GPC5: variants seen among roughly 807,000 people sequenced by gnomAD.
The protein encoded by GPC5 is glypican-5.
Under a neutral mutation model 53.9 loss-of-function variants are expected in GPC5, and 47 were observed. The observed-to-expected ratio is 0.87, with a 90% CI of 0.69 to 1.11. The LOEUF (loss-of-function observed/expected upper bound fraction) is 1.11. Ranked by LOEUF, GPC5 falls within the 50% of genes most tolerant of loss-of-function variation. GPC5 has a pLI of 0.00. For synonymous variants in GPC5, 286 were observed against 263.3 expected (o/e 1.09, Z -0.84); for missense variants, 748 against 713.1 (o/e 1.05, Z -0.56).
At chr13:91,824,983 G>A (rs1396912401) in intron 5 of GPC5, among the ~76,000 whole-genome samples, 1 of 152,068 alleles carries the variant, frequency 6.6e-6, no homozygotes, top group Non-Finnish European at 1.5e-5. Context: ...AAATGGTTAT[G>A]CAGAAATGAA....
intron 7 of GPC5, among the ~76,000 whole-genome samples, chr13:92,306,253 G>A (rs1016376216): frequency 6.6e-6 from 1 of 151,630 alleles, no homozygotes; most frequent in African/African-American, 2.4e-5. Context: ...TAAGAAGTTA[G>A]ATTTTTAATC....
chr13:92,733,119 TTTA>T (rs1452159892), intron 7 of GPC5, among the ~76,000 whole-genome samples: 1 of 151,728 alleles, frequency 6.6e-6, no homozygotes, highest in Non-Finnish European at 1.5e-5. Flanking sequence ...CATCATGCAA[TTTA>T]TGGTTTGAAG....
intron 7 of GPC5, among the ~76,000 whole-genome samples, chr13:92,172,721 TA>T (rs2042079288): frequency 6.6e-6 from 1 of 152,038 alleles, no homozygotes; most frequent in Non-Finnish European, 1.5e-5. Flanking sequence ...TTAAAAGAGA[TA>T]CTCTCCTATA....
At chr13:92,843,770 G>A (rs1878510139) in intron 7 of GPC5, among the ~76,000 whole-genome samples, 1 of 152,076 alleles carries the variant, frequency 6.6e-6, no homozygotes, top group Non-Finnish European at 1.5e-5. Context: ...GACTAAATCT[G>A]TCATCGATGT....
intron 7 of GPC5, among the ~76,000 whole-genome samples, chr13:92,641,113 A>G (rs1250092510): frequency 1.3e-5 from 2 of 152,186 alleles, no homozygotes; most frequent in African/African-American, 4.8e-5. Flanking sequence ...CATGTTCTCA[A>G]AGTGTCTCAT....
At chr13:91,422,444 T>C (rs1005470588) in intron 1 of GPC5, among the ~76,000 whole-genome samples, 1 of 152,044 alleles carries the variant, frequency 6.6e-6, no homozygotes, top group Non-Finnish European at 1.5e-5. Flanking sequence ...GAGACTAGCC[T>C]GGCCAACATG....
chr13:92,277,840 C>T (rs1196442839), intron 7 of GPC5, among the ~76,000 whole-genome samples: 1 of 151,746 alleles, frequency 6.6e-6, no homozygotes, highest in East Asian at 1.9e-4. Context: ...ATCTGTTAGG[C>T]ATAGAAATAT....
chr13:92,266,653 T>C (rs1028902310), intron 7 of GPC5, among the ~76,000 whole-genome samples: 1 of 151,664 alleles, frequency 6.6e-6, no homozygotes, highest in Non-Finnish European at 1.5e-5. Flanking sequence ...GGGTGGAATG[T>C]GCTTATTTCA....
At chr13:92,286,526 A>G (rs1322477366) in intron 7 of GPC5, among the ~76,000 whole-genome samples, 2 of 152,198 alleles carry the variant, frequency 1.3e-5, no homozygotes, top group African/African-American at 4.8e-5. Flanking sequence ...AAAATGTGGC[A>G]CATATACACC....
At chr13:92,059,586 C>T (rs1753695581) in intron 6 of GPC5, among the ~76,000 whole-genome samples, 1 of 151,554 alleles carries the variant, frequency 6.6e-6, no homozygotes, top group African/African-American at 2.4e-5. Context: ...TGAGATCTTT[C>T]CATGTCAATA....
At chr13:92,832,989 G>A (rs1878099121) in intron 7 of GPC5, among the ~76,000 whole-genome samples, 2 of 152,144 alleles carry the variant, frequency 1.3e-5, no homozygotes, top group Admixed American at 1.3e-4. Context: ...CTGGGTGACA[G>A]AGTGAGACTG....
rs557799592 is a variant in GPC5 at position 92,744,503 on chromosome 13, G to GA, written c.1562-121766dup. On this transcript the variant is annotated intron_variant, in intron 7 of 7. Coordinates refer to ENST00000377067, the MANE Select transcript of GPC5 (RefSeq NM_004466.6). ...GACTGACTTTAGGAAGACTATACAG[G>GA]AAAAAAAAAAAAACCAGAACATGAG... Among the ~76,000 whole-genome samples, 1,347 of 135,742 alleles carry GA rather than the reference G, an allele frequency of 9.9e-3. 15 individuals carry two copies. Among genetic ancestry groups the GA allele is most frequent in the African/African-American group, 0.026 (982 of 37,362 alleles). The allele number at this position is 135,742 out of a possible 152,430, so 89.1% of individuals were successfully genotyped here.
At chr13:91,451,638 G>A (rs1214493618) in intron 2 of GPC5, among the ~76,000 whole-genome samples, 1 of 150,902 alleles carries the variant, frequency 6.6e-6, no homozygotes, top group Admixed American at 6.6e-5. Flanking sequence ...TTTTCCCCGA[G>A]GTGGAGTCTT....
intron 7 of GPC5, among the ~76,000 whole-genome samples, chr13:92,592,268 T>A (rs1327033556): frequency 1.3e-5 from 2 of 152,146 alleles, no homozygotes; most frequent in Non-Finnish European, 2.9e-5. Flanking sequence ...TACCCTGACT[T>A]TCTTGAGAAG....
At chr13:91,568,612 G>A (rs984775181) in intron 2 of GPC5, among the ~76,000 whole-genome samples, 2 of 151,462 alleles carry the variant, frequency 1.3e-5, no homozygotes, top group African/African-American at 4.8e-5. Flanking sequence ...ATGAAGACGG[G>A]TCCTTAGAAT....
At chr13:92,779,872 T>C (rs1875956422) in intron 7 of GPC5, among the ~76,000 whole-genome samples, 1 of 152,188 alleles carries the variant, frequency 6.6e-6, no homozygotes, top group Non-Finnish European at 1.5e-5. Context: ...TTTAGAAATA[T>C]TAATGCCAAG....
intron 7 of GPC5, among the ~76,000 whole-genome samples, chr13:92,864,608 T>C (rs1318177540): frequency 6.6e-6 from 1 of 152,098 alleles, no homozygotes; most frequent in African/African-American, 2.4e-5. Context: ...TAGCTTCTTG[T>C]TAAGCTTAAC....
chr13:92,069,742 T>A (rs762075411), intron 6 of GPC5, among the ~76,000 whole-genome samples: 8 of 152,294 alleles, frequency 5.3e-5, no homozygotes, highest in Middle Eastern at 6.8e-3. Flanking sequence ...TTCTTCAGCC[T>A]TGACTTTTAT....
intron 7 of GPC5, among the ~76,000 whole-genome samples, chr13:92,255,153 T>C (rs1350964407): frequency 6.6e-6 from 1 of 152,166 alleles, no homozygotes; most frequent in Non-Finnish European, 1.5e-5. Flanking sequence ...CCACGGATTT[T>C]GATATTCTTG....
Sources: allele counts gnomAD v4.1 joint callset (sites outside exome capture counted in the v4.1 genomes callset), GRCh38; gene constraint gnomAD v4.1.1; transcripts MANE v1.5; gene names NCBI Gene and HGNC (gene_info 2026-07-23, HGNC 2026-07-21).